Variants in SLX4 observed in about 807,000 individuals in gnomAD.
SLX4 encodes the protein SLX4 structure-specific endonuclease subunit.
SLX4 carries 112 observed loss-of-function variants against 146.2 expected under a neutral mutation model. The ratio of observed to expected loss-of-function variants is 0.77; its 90% CI spans 0.66 to 0.90. The LOEUF (loss-of-function observed/expected upper bound fraction) is 0.90. Among genes scored for constraint, SLX4 ranks in the 40% least tolerant of loss-of-function variants. The pLI is 0.00. For synonymous variants in SLX4, 1,061 were observed against 997.7 expected (o/e 1.06, Z -1.20); for missense variants, 2,563 against 2,392.7 (o/e 1.07, Z -1.49).
rs764619464 is a variant in SLX4 at position 3,596,225 on chromosome 16, G to A, written c.1852C>T (p.Leu618=). 1.9e-6 allele frequency: 3 copies of A among 1,551,132 alleles called. No individual in the cohort carries two copies. The highest frequency in any genetic ancestry group is 3.9e-5 in the Admixed American group (2 of 51,690). The change falls in exon 8 of 15, where the codon CTG becomes TTG. Residue 618 remains leucine (L), a synonymous_variant. Transcript: ENST00000294008. Reference sequence around the variant, plus strand: ...CTGGCGCTCAGTCCCTCCCTCGCCAGGTCCACGAGGTCCTGCAGGGCCTGG... The same window carrying A: ...CTGGCGCTCAGTCCCTCCCTCGCCAAGTCCACGAGGTCCTGCAGGGCCTGG... ...EHQALQDLVD[L]AREGLSASPW...
In SLX4 at chr16:3,589,658, G is replaced by T; in HGVS notation, c.3980C>A (p.Pro1327His). The T allele has an allele frequency of 2.5e-6, 4 of 1,614,052 alleles. No individual in the cohort carries two copies. Among genetic ancestry groups the T allele is most frequent in the Non-Finnish European group, 3.4e-6 (4 of 1,180,040 alleles). The change falls in exon 12 of 15, where the codon CCC becomes CAC. Residue 1327 changes from proline to histidine, a missense_variant. Physicochemically the swap from Pro to His is moderately conservative, Grantham distance 77. Transcript: ENST00000294008. This position sits in a 1 kb window ranked among gnomAD's most constrained non-coding sequence, Gnocchi z 6.2. ...GCCGTCAGAAGTTCCTGGAGAGACG[G>T]GAGTGAGGCATGAGGACGGTGTCTG... ...PPQTPSSCLTPVSPGTSDGRR... is the reference protein window; with the variant it reads ...PPQTPSSCLTHVSPGTSDGRR...
intron 3 of SLX4, among the ~76,000 whole-genome samples, chr16:3,605,508 C>G (rs2151137082): frequency 6.6e-6 from 1 of 152,198 alleles, no homozygotes. Context: ...TAGGCATGAG[C>G]CATCATGCCT....
chr16:3,607,102 T>C (rs1000541496), intron 2 of SLX4, among the ~76,000 whole-genome samples: 4 of 152,068 alleles, frequency 2.6e-5, no homozygotes, highest in Admixed American at 1.3e-4. Context: ...ATGACAAAGG[T>C]TTATGTCCTA....
In SLX4 at chr16:3,608,041, C is replaced by T. The variant is rs185124843; in HGVS notation, c.535+389G>A. 3.7e-3 allele frequency among the ~76,000 whole-genome samples: 569 copies of T among 152,224 alleles called. 6 individuals are homozygous for T. The highest frequency in any genetic ancestry group is 0.012 in the African/African-American group (513 of 41,542). On this transcript the variant is annotated intron_variant, in intron 2 of 14. Coordinates refer to ENST00000294008, the MANE Select transcript of SLX4 (RefSeq NM_032444.4). The stretch of plus-strand genomic sequence containing the variant: ...ACTGTTGTTTAAACCAGGAGTCAGC[C>T]GGGCGCAGTGGCTTACGCCTGTAAT...
At position 3,582,250 on chromosome 16, in the gene SLX4, C is replaced by A. The variant is rs1018382279; in HGVS notation, c.*92G>T. The A allele has an allele frequency of 1.7e-5, 19 of 1,140,162 alleles. No individual in the cohort carries two copies. Among genetic ancestry groups the A allele is most frequent in the Admixed American group, 6.0e-5 (3 of 49,758 alleles). The allele number at this position is 1,140,162 out of a possible 1,614,324, so 70.6% of individuals were successfully genotyped here. On this transcript the variant is annotated 3_prime_UTR_variant, in exon 15 of 15. Transcript: ENST00000294008. The stretch of plus-strand genomic sequence containing the variant: ...CCAGGCCCAGAAATGCCTGTGGAGG[C>A]CTGACCCACGCTGGGTGTCCCAGGT...
rs1325664050 is a variant in SLX4, at chr16:3,590,289, A to C, written c.3349T>G (p.Phe1117Val). The change falls in exon 12 of 15, where the codon TTC becomes GTC. Residue 1117 changes from phenylalanine (F) to valine (V), a missense_variant. Coordinates refer to ENST00000294008, the MANE Select transcript of SLX4 (RefSeq NM_032444.4). The surrounding 1 kb of genome is among the most constrained non-coding windows in gnomAD (Gnocchi z 4.8). ...LECRNKGVLM[F>V]PEKSPSIDLT... Reference sequence around the variant, plus strand: ...TCAATAGACGGAGATTTTTCTGGGAACATCAGGACCCCCTTATTTCTGCAC... The same window carrying C: ...TCAATAGACGGAGATTTTTCTGGGACCATCAGGACCCCCTTATTTCTGCAC... 1.2e-6 allele frequency: 2 copies of C among 1,614,132 alleles called. No individual in the cohort carries two copies. Among genetic ancestry groups the C allele is most frequent in the Non-Finnish European group, 1.7e-6 (2 of 1,180,014 alleles).
At position 3,590,115 on chromosome 16, in the gene SLX4, G is replaced by A. The variant is rs764485616; in HGVS notation, c.3523C>T (p.Pro1175Ser). Residue 1175 changes from proline to serine, a missense_variant, in exon 12 of 15, where the codon CCT becomes TCT. By Grantham distance (74) the Pro-to-Ser change is moderately conservative. Transcript: ENST00000294008. The surrounding 1 kb of genome is among the most constrained non-coding windows in gnomAD (Gnocchi z 4.8). The stretch of plus-strand genomic sequence containing the variant: ...TCTAGAGCTTTCTTTTCTTCCAGAG[G>A]ATCACTAGAAATGGACTTCATTTTG... ...QTKMKSISSD[P>S]LEEKKALEIS... is the part of the protein sequence containing the mutation. 1.3e-5 allele frequency: 21 copies of A among 1,614,152 alleles called. No homozygotes were observed. The East Asian group carries it at 4.7e-4, about 36-fold the overall frequency.
intron 10 of SLX4, 25 bp from the exon 11 acceptor site, chr16:3,592,890 G>C (rs773384544): frequency 2.0e-5 from 32 of 1,600,270 alleles, no homozygotes; most frequent in South Asian, 1.8e-4. Context: ...CAACACAGAG[G>C]GTTTACTGAT....
chr16:3,583,213 G>C lies in SLX4; in HGVS notation c.5037C>G (p.Ser1679Arg). 1 of 1,614,236 alleles carries C rather than the reference G, an allele frequency of 6.2e-7. No individual in the cohort carries two copies. The highest frequency in any genetic ancestry group is 8.5e-7 in the Non-Finnish European group (1 of 1,180,046). ...RKHHESITPP[S>R]RSPTKEAPPG... is the part of the protein sequence containing the mutation. The stretch of plus-strand genomic sequence containing the variant: ...GAGGTGCCTCCTTGGTGGGCGACCT[G>C]CTTGGGGGTGTGATGCTTTCATGAT... Residue 1679 changes from serine (S) to arginine (R), a missense_variant, in exon 14 of 15, where the codon AGC (serine) becomes AGG (arginine). Transcript: ENST00000294008.
At chr16:3,594,188 C>A (rs1390606238) in intron 10 of SLX4, among the ~76,000 whole-genome samples, 1 of 152,188 alleles carries the variant, frequency 6.6e-6, no homozygotes, top group Non-Finnish European at 1.5e-5. Flanking sequence ...TTTCATTCAA[C>A]AGAACGAAAA....
At chr16:3,605,718 C>T (rs940282654) in intron 3 of SLX4, among the ~76,000 whole-genome samples, 16 of 146,154 alleles carry the variant, frequency 1.1e-4, no homozygotes, top group Admixed American at 1.0e-3. Flanking sequence ...GAGGCCAAGG[C>T]GGGTGGATCA....
rs772219842 is a variant in SLX4, at chr16:3,589,563, G to A, written c.4075C>T (p.Pro1359Ser). ...GGHPHSSPLA[P>S]HPISGDRAHF... ...GCGCGGTCCCCTGAGATGGGATGTGGAGCCAGCGGAGAGGAGTGCGGGTGG... is the reference window on the plus strand; with the variant it reads ...GCGCGGTCCCCTGAGATGGGATGTGAAGCCAGCGGAGAGGAGTGCGGGTGG... Residue 1359 changes from proline (P) to serine (S), a missense_variant, in exon 12 of 15, where the codon CCA becomes TCA. By Grantham distance (74) the Pro-to-Ser change is moderately conservative. Transcript: ENST00000294008. The surrounding 1 kb of genome is among the most constrained non-coding windows in gnomAD (Gnocchi z 6.2). 7.4e-6 allele frequency: 12 copies of A among 1,612,666 alleles called. No individual in the cohort carries two copies. The highest frequency in any genetic ancestry group is 8.5e-7 in the Non-Finnish European group (1 of 1,179,490).
chr16:3,598,066 C>T, intron 5 of SLX4, 67 bp from the exon 6 acceptor site: 1 of 1,591,564 alleles, frequency 6.3e-7, no homozygotes, highest in Non-Finnish European at 8.6e-7. Flanking sequence ...GTTGGTCACA[C>T]TGGTCTGGAG....
chr16:3,598,128 G>A (rs758660775), intron 5 of SLX4, 129 bp from the exon 6 acceptor site: 12 of 1,012,916 alleles, frequency 1.2e-5, no homozygotes, highest in South Asian at 6.6e-5. Flanking sequence ...AGGCAGATGC[G>A]TCCCCCACTT....
chr16:3,606,187 G>A (rs1484497262), intron 3 of SLX4, among the ~76,000 whole-genome samples: 1 of 148,428 alleles, frequency 6.7e-6, no homozygotes, highest in Non-Finnish European at 1.5e-5. Flanking sequence ...GGAGGCGGAG[G>A]TTGCAGTGAG....
chr16:3,586,351 G>A (rs2151119103), intron 12 of SLX4, among the ~76,000 whole-genome samples: 1 of 150,584 alleles, frequency 6.6e-6, no homozygotes, highest in Admixed American at 6.6e-5. Context: ...GCAAGACCCA[G>A]TCTCTACTAA....
Position 3,583,323 on chromosome 16 carries a change from C to A in SLX4, c.4927G>T (p.Ala1643Ser), listed in dbSNP as rs145557355. ...TYKPSRAGVH[A>S]QQEATTGPGA... Reference sequence around the variant, plus strand: ...GGTCCTGTGGTGGCCTCCTGCTGGGCATGGACCCCTGCCCTTGAAGGCTTG... The same window carrying A: ...GGTCCTGTGGTGGCCTCCTGCTGGGAATGGACCCCTGCCCTTGAAGGCTTG... The change falls in exon 14 of 15, where the codon GCC becomes TCC. Residue 1643 changes from alanine to serine, a missense_variant. Physicochemically the swap from Ala to Ser is moderately conservative, Grantham distance 99 (BLOSUM62 1). Coordinates refer to ENST00000294008, the MANE Select transcript of SLX4 (RefSeq NM_032444.4). The A allele has an allele frequency of 4.1e-5, 66 of 1,613,962 alleles. 1 individual carries two copies. The highest frequency in any genetic ancestry group is 5.3e-5 in the Non-Finnish European group (63 of 1,179,998).
chr16:3,592,681 C>T lies in SLX4; in HGVS notation c.2327+18G>A, dbSNP rs976469658. 1.9e-6 allele frequency: 3 copies of T among 1,610,924 alleles called. No individual in the cohort carries two copies. The highest frequency in any genetic ancestry group is 3.7e-4 in the Middle Eastern group (2 of 5,410). ...AGTCCTCGTCAGTTAATTTCAAAAG[C>T]TGGGGAGCAATCCAGACCTGTGGGC... On this transcript the variant is annotated intron_variant, in intron 11 of 14. Coordinates refer to ENST00000294008, the MANE Select transcript of SLX4 (RefSeq NM_032444.4).
rs779970904 is a variant in SLX4 at position 3,589,251 on chromosome 16, C to T, written c.4387G>A (p.Asp1463Asn). The T allele has an allele frequency of 1.6e-5, 26 of 1,605,102 alleles. No homozygotes were observed. The highest frequency in any genetic ancestry group is 2.0e-5 in the Non-Finnish European group (24 of 1,174,096). Reference protein sequence around the residue: ...SPSRRMNEAADSRDCRSPGLL... With the variant: ...SPSRRMNEAANSRDCRSPGLL... The stretch of plus-strand genomic sequence containing the variant: ...CCCGGGGAGCGACAGTCACGGCTGT[C>T]GGCGGCCTCGTTCATCCTGCGGCTG... The change falls in exon 12 of 15, where the codon GAC becomes AAC. Residue 1463 changes from aspartate to asparagine, a missense_variant. Coordinates refer to ENST00000294008, the MANE Select transcript of SLX4 (RefSeq NM_032444.4). The surrounding 1 kb of genome is among the most constrained non-coding windows in gnomAD (Gnocchi z 6.2).
Sources: allele counts gnomAD v4.1 joint callset (sites outside exome capture counted in the v4.1 genomes callset), GRCh38; gene constraint gnomAD v4.1.1; non-coding constraint Gnocchi (gnomAD v3.1); transcripts MANE v1.5; gene names NCBI Gene and HGNC (gene_info 2026-07-23, HGNC 2026-07-21).